Variants in LINGO2 observed in about 807,000 individuals in gnomAD.
The protein encoded by LINGO2 is leucine rich repeat and Ig domain containing 2.
Under a neutral mutation model 30.6 loss-of-function variants are expected in LINGO2, and 14 were observed. The ratio of observed to expected loss-of-function variants is 0.46; its 90% confidence interval spans 0.30 to 0.72. LINGO2 has a LOEUF of 0.72. Ranked by LOEUF, LINGO2 falls within the 30% of genes least tolerant of loss-of-function variation. The probability of loss-of-function intolerance (pLI) is 0.07; values close to 1 mark genes in which losing one functional copy is unlikely to be tolerated. For missense variants in LINGO2, 729 were observed against 751.7 expected (o/e 0.97, Z 0.35); for synonymous variants, 317 against 288.5 (o/e 1.10, Z -1.00).
At chr9:28,435,064 G>T (rs1038168415) in intron 2 of LINGO2, among the ~76,000 whole-genome samples, 2 of 151,824 alleles carry the variant, frequency 1.3e-5, no homozygotes, top group African/African-American at 4.8e-5. Context: ...GTTAACTTTT[G>T]GGAAACAAAC....
chr9:28,054,701 A>T (rs978537494), intron 4 of LINGO2, among the ~76,000 whole-genome samples: 1 of 152,170 alleles, frequency 6.6e-6, no homozygotes, highest in Admixed American at 6.6e-5. Flanking sequence ...AAAAAATTAT[A>T]GTAAATAAGT....
the LINGO2 span, among the ~76,000 whole-genome samples, chr9:28,792,884 GC>G: frequency 1.3e-5 from 2 of 152,098 alleles, no homozygotes; most frequent in African/African-American, 4.8e-5. Context: ...CCCAGTGAAT[GC>G]TGGAAACTCA....
chr9:27,945,632 GT>G (rs1442631139), downstream of LINGO2, among the ~76,000 whole-genome samples: 1 of 152,132 alleles, frequency 6.6e-6, no homozygotes, highest in Non-Finnish European at 1.5e-5. Flanking sequence ...TAAGTGAGTA[GT>G]TGGCCCCTGT....
intron 1 of LINGO2, among the ~76,000 whole-genome samples, chr9:28,590,392 T>A (rs556502424): frequency 6.6e-6 from 1 of 152,198 alleles, no homozygotes; most frequent in Non-Finnish European, 1.5e-5. Flanking sequence ...GAGAAAATTT[T>A]TGCAACCTAT....
intron 4 of LINGO2, among the ~76,000 whole-genome samples, chr9:28,238,389 G>C (rs1289777942): frequency 6.6e-6 from 1 of 152,120 alleles, no homozygotes; most frequent in East Asian, 1.9e-4. Context: ...TAGACCATAT[G>C]TTAGGTCACA....
At chr9:28,944,404 T>G in the LINGO2 span, among the ~76,000 whole-genome samples, 2 of 152,130 alleles carry the variant, frequency 1.3e-5, no homozygotes, top group African/African-American at 4.8e-5. Flanking sequence ...TGCTTTTGGG[T>G]TTTTGTTTGT....
At chr9:29,191,216 C>T in the LINGO2 span, among the ~76,000 whole-genome samples, 1 of 151,998 alleles carries the variant, frequency 6.6e-6, no homozygotes, top group Non-Finnish European at 1.5e-5. Context: ...ATAAGAAATA[C>T]AAAATTAATA....
At chr9:28,744,164 T>C in the LINGO2 span, among the ~76,000 whole-genome samples, 1 of 151,766 alleles carries the variant, frequency 6.6e-6, no homozygotes, top group Non-Finnish European at 1.5e-5. Flanking sequence ...ATTTGGTTCT[T>C]TTTAATACTT....
At chr9:28,434,979 T>A (rs1190682974) in intron 2 of LINGO2, among the ~76,000 whole-genome samples, 1 of 152,106 alleles carries the variant, frequency 6.6e-6, no homozygotes, top group Admixed American at 6.5e-5. Flanking sequence ...ACCTCTACAT[T>A]TTTCTTCCTT....
At chr9:28,225,770 T>G (rs1355716612) in intron 4 of LINGO2, among the ~76,000 whole-genome samples, 1 of 152,122 alleles carries the variant, frequency 6.6e-6, no homozygotes, top group East Asian at 1.9e-4. Flanking sequence ...GGGAAATATA[T>G]TCAATTTTAC....
chr9:29,182,909 T>C, the LINGO2 span, among the ~76,000 whole-genome samples: 1 of 152,068 alleles, frequency 6.6e-6, no homozygotes, highest in African/African-American at 2.4e-5. Context: ...CATCCAAACA[T>C]ACTGAGATAC....
intron 4 of LINGO2, among the ~76,000 whole-genome samples, chr9:28,046,166 G>C (rs954024629): frequency 6.6e-6 from 1 of 152,128 alleles, no homozygotes; most frequent in Non-Finnish European, 1.5e-5. Flanking sequence ...AGATCCTTTT[G>C]CTATTTCAAT....
the LINGO2 span, among the ~76,000 whole-genome samples, chr9:28,883,628 G>GTGTATATATATATA: frequency 9.4e-5 from 6 of 64,168 alleles, no homozygotes; most frequent in Admixed American, 2.0e-4. Flanking sequence ...ATGTGTGTGT[G>GTGTATATATATATA]TATATATATA....
intron 4 of LINGO2, among the ~76,000 whole-genome samples, chr9:28,083,833 C>A: frequency 6.6e-6 from 1 of 151,702 alleles, no homozygotes; most frequent in African/African-American, 2.4e-5. Context: ...AATTGCAAAA[C>A]CTGGAAATGA....
chr9:29,190,517 G>GT, the LINGO2 span, among the ~76,000 whole-genome samples: 1 of 151,982 alleles, frequency 6.6e-6, no homozygotes, highest in Non-Finnish European at 1.5e-5. Context: ...TATTCCCAGT[G>GT]TTTTTCTGAA....
At chr9:28,873,202 C>G in the LINGO2 span, among the ~76,000 whole-genome samples, 1 of 151,746 alleles carries the variant, frequency 6.6e-6, no homozygotes, top group African/African-American at 2.4e-5. Context: ...AACCTCGTCT[C>G]TACTAAAAAT....
intron 5 of LINGO2, among the ~76,000 whole-genome samples, chr9:27,972,594 C>T (rs965843895): frequency 2.6e-5 from 4 of 152,152 alleles, no homozygotes; most frequent in African/African-American, 7.2e-5. Context: ...TCACAACAAT[C>T]CCAGGTCTAT....
At chr9:28,683,890 G>A in the LINGO2 span, among the ~76,000 whole-genome samples, 2 of 152,038 alleles carry the variant, frequency 1.3e-5, no homozygotes, top group Admixed American at 6.5e-5. Context: ...TCTCTTTCCC[G>A]CATTGTAGCC....
At chr9:29,178,703 C>T in the LINGO2 span, among the ~76,000 whole-genome samples, 1 of 152,066 alleles carries the variant, frequency 6.6e-6, no homozygotes, top group East Asian at 1.9e-4. Flanking sequence ...GAGAAACTTC[C>T]TCAAATAAGT....
Sources: gnomAD v4.1 joint callset for allele counts (sites outside exome capture counted in the v4.1 genomes callset) on GRCh38, gnomAD v4.1.1 for gene constraint, MANE v1.5 for transcripts, NCBI Gene and HGNC (gene_info 2026-07-23, HGNC 2026-07-21) for gene names.